CABIN1: variants seen among roughly 807,000 people sequenced by gnomAD.
CABIN1 encodes calcineurin binding protein 1, also known as calcineurin-binding protein cabin-1.
A neutral mutation model predicts 227.7 loss-of-function variants in CABIN1; 133 were observed. That is an observed-to-expected ratio of 0.58 (90% CI 0.51 to 0.67). The LOEUF (loss-of-function observed/expected upper bound fraction) is 0.67. Among genes scored for constraint, CABIN1 ranks in the 30% least tolerant of loss-of-function variants. The pLI is 0.00. For synonymous variants in CABIN1, 1,086 were observed against 1,155.1 expected, an observed-to-expected ratio of 0.94 and a Z score of 1.21; for missense variants, 2,408 against 2,852.5, an observed-to-expected ratio of 0.84 and a Z score of 3.55.
chr22:24,071,326 G>T, intron 17 of CABIN1: 1 of 485,402 alleles, frequency 2.1e-6, no homozygotes, highest in Non-Finnish European at 3.8e-6. Flanking sequence ...TCACGGGGAG[G>T]CCCTGGTCTG....
chr22:24,066,901 G>A, intron 15 of CABIN1, 86 bp from the exon 16 acceptor site: 1 of 1,299,954 alleles, frequency 7.7e-7, no homozygotes, highest in Non-Finnish European at 1.1e-6. Context: ...CCTCATCCAA[G>A]TCTGATAAAA....
chr22:24,156,736 A>G (rs1457443621), intron 29 of CABIN1, among the ~76,000 whole-genome samples: 1 of 151,700 alleles, frequency 6.6e-6, no homozygotes, highest in Admixed American at 6.6e-5. Flanking sequence ...GCGGAGTGGG[A>G]GGAGTGAGGT....
chr22:24,095,841 A>G (rs2041860110), intron 24 of CABIN1, 90 bp from the exon 25 acceptor site: 7 of 1,358,906 alleles, frequency 5.2e-6, no homozygotes, highest in Admixed American at 1.7e-5. Context: ...TGCCCTGGTC[A>G]TGGGCCCATT....
chr22:24,098,071 C>T lies in CABIN1; in HGVS notation c.3996C>T (p.Gly1332=). ...DSHSSAGTLP[G]PGASLPSSSG... is the part of the protein sequence containing the mutation. ...ACTCTTCAGCTGGGACACTGCCGGGCCCCGGAGCCTCCCTCCCCTCCTCCT... is the reference window on the plus strand; with the variant it reads ...ACTCTTCAGCTGGGACACTGCCGGGTCCCGGAGCCTCCCTCCCCTCCTCCT... The change falls in exon 26 of 37, where the codon GGC becomes GGT. Residue 1332 remains glycine, a synonymous_variant. Coordinates refer to ENST00000263119, the MANE Select transcript of CABIN1 (RefSeq NM_012295.4). 1.9e-6 allele frequency: 3 copies of T among 1,614,158 alleles called. No homozygotes were observed. The highest frequency in any genetic ancestry group is 1.1e-5 in the South Asian group (1 of 91,074).
At chr22:24,099,214 C>T (rs545367708) in intron 26 of CABIN1, among the ~76,000 whole-genome samples, 1 of 152,282 alleles carries the variant, frequency 6.6e-6, no homozygotes, top group East Asian at 1.9e-4. Context: ...ATAGCATGGG[C>T]ATCTGCCTCC....
At chr22:24,038,672 A>G (rs1265360663) in intron 4 of CABIN1, among the ~76,000 whole-genome samples, 2 of 152,220 alleles carry the variant, frequency 1.3e-5, no homozygotes, top group Non-Finnish European at 2.9e-5. Context: ...AGCATGTAAA[A>G]TGATTCCTGG....
intron 29 of CABIN1, among the ~76,000 whole-genome samples, chr22:24,146,731 T>A (rs1413054929): frequency 6.6e-6 from 1 of 152,272 alleles, no homozygotes; most frequent in African/African-American, 2.4e-5. Flanking sequence ...TGGTATAAAT[T>A]ATTTTCTGGC....
intron 35 of CABIN1, among the ~76,000 whole-genome samples, chr22:24,176,708 A>G (rs1330690765): frequency 3.3e-5 from 5 of 152,162 alleles, no homozygotes; most frequent in Admixed American, 1.3e-4. Flanking sequence ...GGGCTGGGCC[A>G]AGCAGGCGTC....
chr22:24,051,297 C>T (rs927848028), intron 8 of CABIN1, among the ~76,000 whole-genome samples: 4 of 152,130 alleles, frequency 2.6e-5, no homozygotes, highest in African/African-American at 4.8e-5. Flanking sequence ...TTGCCAAGCA[C>T]TTGCCAGGAG....
At chr22:24,050,217 C>T (rs2038218651) in intron 7 of CABIN1, among the ~76,000 whole-genome samples, 2 of 152,278 alleles carry the variant, frequency 1.3e-5, no homozygotes, top group African/African-American at 4.8e-5. Context: ...GAACATCTGT[C>T]ATGAGGGAGC....
At chr22:24,156,913 T>C (rs982284837) in intron 29 of CABIN1, among the ~76,000 whole-genome samples, 5 of 152,116 alleles carry the variant, frequency 3.3e-5, no homozygotes, top group Non-Finnish European at 7.4e-5. Flanking sequence ...CCACGTCTTA[T>C]TTGGCAGGAG....
chr22:24,157,517 T>C (rs1434549364), intron 29 of CABIN1, among the ~76,000 whole-genome samples: 2 of 152,182 alleles, frequency 1.3e-5, no homozygotes, highest in African/African-American at 4.8e-5. Flanking sequence ...CCCTGCAGGC[T>C]GGCTGCCCTG....
chr22:24,158,415 T>C (rs2045962960), intron 29 of CABIN1, among the ~76,000 whole-genome samples: 1 of 152,162 alleles, frequency 6.6e-6, no homozygotes, highest in Non-Finnish European at 1.5e-5. Flanking sequence ...AATCCTTAAG[T>C]CCCAGAGCCA....
intron 16 of CABIN1, 60 bp from the exon 17 acceptor site, chr22:24,070,740 G>A: frequency 6.2e-7 from 1 of 1,612,948 alleles, no homozygotes; most frequent in African/African-American, 1.3e-5. Flanking sequence ...CTCTGCTCAG[G>A]CCTTGGGCCC....
At chr22:24,105,022 A>G (rs932934127) in intron 26 of CABIN1, among the ~76,000 whole-genome samples, 1 of 152,222 alleles carries the variant, frequency 6.6e-6, no homozygotes, top group Non-Finnish European at 1.5e-5. Flanking sequence ...GACACTGGAA[A>G]GTTGCATCTT....
Position 24,059,343 on chromosome 22 carries a change from C to T in CABIN1, c.1379C>T (p.Ser460Leu). 2 of 1,614,180 alleles carry T rather than the reference C, an allele frequency of 1.2e-6. No homozygotes were observed. Among genetic ancestry groups the T allele is most frequent in the Admixed American group, 3.3e-5 (2 of 60,020 alleles). ...GGGCCTCAAAGGCTGTCATTTGACT[C>T]AGCCACATTCATGGAATCTGGTAGG... ...SIGPQRLSFD[S>L]ATFMESEKQD... Residue 460 changes from serine to leucine, a missense_variant, in exon 11 of 37, where the codon TCA becomes TTA. Transcript: ENST00000263119.
chr22:24,148,124 G>C (rs2045264834), intron 29 of CABIN1, among the ~76,000 whole-genome samples: 1 of 152,106 alleles, frequency 6.6e-6, no homozygotes, highest in African/African-American at 2.4e-5. Context: ...ACTTGGCAGT[G>C]CCACCACTAC....
rs1339378942 is a variant in CABIN1 at position 24,011,323 on chromosome 22, G to C, written c.-119G>C. The C allele has an allele frequency of 6.6e-6, 1 of 152,340 alleles. No homozygotes were observed. Among genetic ancestry groups the C allele is most frequent in the Non-Finnish European group, 1.5e-5 (1 of 68,146 alleles). 9.4% of individuals were successfully genotyped at this position (152,340 alleles called of 1,614,324 possible). ...CTTGTTGTCAGGCGCGCAGCCGGAC[G>C]GCGCGGTGGTCGGGACAGACTGGCC... On this transcript the variant is annotated 5_prime_UTR_variant, in exon 1 of 37. Coordinates refer to ENST00000263119, the MANE Select transcript of CABIN1 (RefSeq NM_012295.4).
chr22:24,054,720 A>C (rs1299190160), intron 8 of CABIN1, among the ~76,000 whole-genome samples, 153 bp from the exon 9 acceptor site: 1 of 152,178 alleles, frequency 6.6e-6, no homozygotes. Context: ...CAGTTGTGCC[A>C]GTGATGAAAC....
Sources: allele counts gnomAD v4.1 joint callset (sites outside exome capture counted in the v4.1 genomes callset), GRCh38; gene constraint gnomAD v4.1.1; transcripts MANE v1.5; gene names NCBI Gene and HGNC (gene_info 2026-07-23, HGNC 2026-07-21).